The following ANKDD1B variants were observed in gnomAD, a reference collection of about 807,000 sequenced individuals.
ANKDD1B encodes ankyrin repeat and death domain-containing protein 1B.
ANKDD1B carries 57 observed loss-of-function variants against 59.7 expected under a neutral mutation model. The ratio of observed to expected loss-of-function variants is 0.95; its 90% CI spans 0.77 to 1.19. The LOEUF is 1.19. Among genes scored for constraint, ANKDD1B ranks in the 50% most tolerant of loss-of-function variants. The probability of loss-of-function intolerance (pLI) is 0.00; values close to 1 mark genes in which losing one functional copy is unlikely to be tolerated. For missense variants in ANKDD1B, 602 were observed against 641.9 expected, an observed-to-expected ratio of 0.94 and a Z score of 0.67; for synonymous variants, 216 against 239.5, an observed-to-expected ratio of 0.90 and a Z score of 0.91.
chr5:75,629,716 C>G (rs1433244449), intron 5 of ANKDD1B, among the ~76,000 whole-genome samples: 1 of 152,122 alleles, frequency 6.6e-6, no homozygotes. Context: ...GGGAGGATCT[C>G]TTGAGCTCAG....
At chr5:75,664,698 A>G (rs934622278) in intron 11 of ANKDD1B, among the ~76,000 whole-genome samples, 1 of 152,214 alleles carries the variant, frequency 6.6e-6, no homozygotes, top group Non-Finnish European at 1.5e-5. Context: ...TTTTGGGTAG[A>G]TAAGAATAAA....
intron 7 of ANKDD1B, among the ~76,000 whole-genome samples, chr5:75,636,909 A>G (rs11749032): frequency 1.3e-5 from 2 of 151,908 alleles, no homozygotes; most frequent in Non-Finnish European, 2.9e-5. Flanking sequence ...TGTTTGAGGC[A>G]CTTGGGAGGT....
chr5:75,639,586 A>G (rs1415815970), intron 7 of ANKDD1B, among the ~76,000 whole-genome samples: 2 of 152,212 alleles, frequency 1.3e-5, no homozygotes, highest in Non-Finnish European at 1.5e-5. Flanking sequence ...GAATGGGAAC[A>G]CTGGTTTCTA....
chr5:75,632,445 G>A (rs1400230730), intron 5 of ANKDD1B, among the ~76,000 whole-genome samples: 1 of 152,192 alleles, frequency 6.6e-6, no homozygotes, highest in Non-Finnish European at 1.5e-5. Flanking sequence ...GCTAGCTGAT[G>A]GCTCTAGAAT....
intron 1 of ANKDD1B, among the ~76,000 whole-genome samples, 198 bp downstream of exon 1, chr5:75,612,025 CA>C (rs759120131): frequency 7.4e-4 from 112 of 152,326 alleles, no homozygotes; most frequent in Middle Eastern, 3.4e-3. Context: ...AATCCACCCC[CA>C]CCATGTACTG....
intron 8 of ANKDD1B, among the ~76,000 whole-genome samples, chr5:75,655,024 C>A (rs1774930760): frequency 6.6e-6 from 1 of 152,178 alleles, no homozygotes; most frequent in African/African-American, 2.4e-5. Flanking sequence ...CACTTCCCTT[C>A]GTTGTTTCTT....
At chr5:75,662,406 C>T (rs1033720043) in intron 10 of ANKDD1B, among the ~76,000 whole-genome samples, 2 of 152,100 alleles carry the variant, frequency 1.3e-5, no homozygotes, top group African/African-American at 2.4e-5. Context: ...TGGTGGGAAT[C>T]GCACTTGTTG....
chr5:75,655,256 C>T (rs894791936), intron 8 of ANKDD1B, among the ~76,000 whole-genome samples: 1 of 152,160 alleles, frequency 6.6e-6, no homozygotes, highest in South Asian at 2.1e-4. Context: ...AGGGCTGTGG[C>T]TGGGAAGACA....
chr5:75,631,857 G>A (rs1774170011), intron 5 of ANKDD1B, among the ~76,000 whole-genome samples: 1 of 152,140 alleles, frequency 6.6e-6, no homozygotes, highest in Non-Finnish European at 1.5e-5. Flanking sequence ...TGTAATCCCA[G>A]TACTTTGGGA....
At chr5:75,637,244 A>T (rs1211203470) in intron 7 of ANKDD1B, among the ~76,000 whole-genome samples, 1 of 23,614 alleles carries the variant, frequency 4.2e-5, no homozygotes, top group African/African-American at 1.9e-4. Flanking sequence ...CTGTCTCAAA[A>T]AAAAAAAAAA....
chr5:75,669,285 C>T lies in ANKDD1B; in HGVS notation c.1427C>T (p.Ala476Val). ...NESFREHGHRALLIWLHGTLM... is the reference protein window; with the variant it reads ...NESFREHGHRVLLIWLHGTLM... ...AGCTTCCGTGAACATGGCCACAGGG[C>T]TCTGCTTATCTGGCTACACGGGACC... The change falls in exon 13 of 14, where the codon GCT becomes GTT. Residue 476 changes from alanine (A) to valine (V), a missense_variant. This residue lies in a region of ANKDD1B where 280 missense variants were observed against 319.8 expected (regional missense o/e 0.88). Transcript: ENST00000601380. The T allele has an allele frequency of 8.1e-7, 1 of 1,232,150 alleles. No homozygotes were observed. The highest frequency in any genetic ancestry group is 1.0e-6 in the Non-Finnish European group (1 of 987,962). The allele number at this position is 1,232,150 out of a possible 1,614,324, so 76.3% of individuals were successfully genotyped here. A position where few individuals can be genotyped will look rare whatever the true frequency, so the allele number is the denominator to read the frequency against.
intron 3 of ANKDD1B, among the ~76,000 whole-genome samples, chr5:75,621,484 T>A (rs1054749064): frequency 2.6e-5 from 4 of 152,144 alleles, no homozygotes; most frequent in Non-Finnish European, 5.9e-5. Context: ...AATTTTAATT[T>A]AAAATTTGTG....
intron 10 of ANKDD1B, among the ~76,000 whole-genome samples, chr5:75,659,888 T>C (rs1207795127): frequency 6.6e-6 from 1 of 152,184 alleles, no homozygotes; most frequent in East Asian, 1.9e-4. Flanking sequence ...TTTTTAGCAT[T>C]ATTAAGTGGA....
intron 7 of ANKDD1B, among the ~76,000 whole-genome samples, chr5:75,647,859 C>G (rs1298485369): frequency 1.8e-5 from 2 of 113,170 alleles, no homozygotes; most frequent in Admixed American, 8.4e-5. Context: ...ACCCAAATGT[C>G]CAACAATGAT....
intron 3 of ANKDD1B, among the ~76,000 whole-genome samples, chr5:75,625,137 TTC>T (rs1285067899): frequency 2.0e-5 from 3 of 152,174 alleles, no homozygotes; most frequent in African/African-American, 4.8e-5. Flanking sequence ...GTATTTTTAA[TTC>T]TGATAGATAT....
intron 1 of ANKDD1B, among the ~76,000 whole-genome samples, chr5:75,612,466 C>T (rs926384971): frequency 8.6e-5 from 13 of 150,450 alleles, no homozygotes; most frequent in African/African-American, 2.9e-4. Context: ...AGTACTCAAG[C>T]CTCTTAACGG....
At chr5:75,631,731 C>T (rs959810821) in intron 5 of ANKDD1B, among the ~76,000 whole-genome samples, 1 of 152,078 alleles carries the variant, frequency 6.6e-6, no homozygotes, top group African/African-American at 2.4e-5. Flanking sequence ...GTAATTTGTG[C>T]CCACATCTTC....
chr5:75,666,922 A>T lies in ANKDD1B; in HGVS notation c.1322A>T (p.Glu441Val). The T allele has an allele frequency of 6.5e-7, 1 of 1,530,988 alleles. No homozygotes were observed. The highest frequency in any genetic ancestry group is 8.7e-7 in the Non-Finnish European group (1 of 1,144,940). The allele number at this position is 1,530,988 out of a possible 1,614,324, so 94.8% of individuals were successfully genotyped here. A position where few individuals can be genotyped will look rare whatever the true frequency, so the allele number is the denominator to read the frequency against. Residue 441 changes from glutamate to valine, a missense_variant, in exon 12 of 14, where the codon GAG becomes GTG. Glu to Val is a moderately radical substitution (Grantham distance 121). Around this residue, in one of 3 missense-constraint regions of ANKDD1B, gnomAD observed 280 missense variants for 319.8 expected, o/e 0.88. Transcript: ENST00000601380. ...GCTTACCATCAGCTGAAGGCCAATG[A>T]GTGGCAGAGGCTGGCCCGTTCGTGG... The part of the protein sequence containing the change: ...DLAYHQLKAN[E>V]WQRLARSWNF...
intron 11 of ANKDD1B, 72 bp from the exon 12 acceptor site, chr5:75,666,720 C>CAT: frequency 3.5e-6 from 4 of 1,155,444 alleles, no homozygotes; most frequent in Non-Finnish European, 5.0e-6. Context: ...GTTTGAAAAA[C>CAT]ATATATACTC....
Sources: allele counts gnomAD v4.1 joint callset (sites outside exome capture counted in the v4.1 genomes callset), GRCh38; gene constraint gnomAD v4.1.1; regional missense constraint gnomAD v4.1.1; transcripts MANE v1.5; gene names NCBI Gene and HGNC (gene_info 2026-07-23, HGNC 2026-07-21).